DLGAP2: variants seen among roughly 807,000 people sequenced by gnomAD.
DLGAP2 encodes DLG associated protein 2.
DLGAP2 carries 26 observed loss-of-function variants against 100.3 expected under a neutral mutation model. The observed-to-expected ratio is 0.26, with a 90% CI of 0.19 to 0.36. DLGAP2 has a LOEUF of 0.36. DLGAP2 is among the 10% of genes least tolerant of loss of function. The pLI is 1.00. For missense variants in DLGAP2, 1,858 were observed against 1,453.2 expected, an observed-to-expected ratio of 1.28 and a Z score of -4.53; for synonymous variants, 886 against 630.1, an observed-to-expected ratio of 1.41 and a Z score of -6.08.
At chr8:749,809 G>T (rs1820745614) in intron 1 of DLGAP2, among the ~76,000 whole-genome samples, 2 of 152,214 alleles carry the variant, frequency 1.3e-5, no homozygotes, top group East Asian at 1.9e-4. Context: ...GAGGCTGGAA[G>T]CCTGGAGCCA....
chr8:1,451,622 C>T (rs893748680), intron 3 of DLGAP2, among the ~76,000 whole-genome samples: 8 of 152,122 alleles, frequency 5.3e-5, no homozygotes, highest in African/African-American at 1.2e-4. Flanking sequence ...GGCTTCCCTC[C>T]GCCTCTGTTG....
chr8:1,388,291 G>A (rs1446783640), intron 3 of DLGAP2, among the ~76,000 whole-genome samples: 4 of 112,264 alleles, frequency 3.6e-5, no homozygotes, highest in Non-Finnish European at 7.1e-5. Flanking sequence ...TGTCAGGGCT[G>A]TGAGAGGCAG....
At position 915,827 on chromosome 8, in the gene DLGAP2, C is replaced by T. The variant is rs548017170; in HGVS notation, c.73+7861C>T. On this transcript the variant is annotated intron_variant, in intron 2 of 14. Coordinates refer to ENST00000637795, the MANE Select transcript of DLGAP2 (RefSeq NM_001346810.2). ...AGTCCTCCTCATTGTAGACTCTCCC[C>T]ACTCTCTTTTTTGTGTCCGTCCATC... Among the ~76,000 whole-genome samples the T allele has an allele frequency of 7.4e-5, 11 of 148,800 alleles. No individual in the cohort carries two copies. The South Asian group carries it at 2.4e-3, about 32-fold the overall frequency.
rs1288526297 is a variant in DLGAP2 at position 1,519,902 on chromosome 8, A to C, written c.172+18471A>C. Among the ~76,000 whole-genome samples, 3 of 152,186 alleles carry C rather than the reference A, an allele frequency of 2.0e-5. No homozygotes were observed. The East Asian group carries it at 5.8e-4, about 29-fold the overall frequency. Reference sequence around the variant, plus strand: ...ATGGGTGGGGTGGGGATCCTAGACCAAAGGGGCGTGGCTGGGTTTGGGTCT... The same window carrying C: ...ATGGGTGGGGTGGGGATCCTAGACCCAAGGGGCGTGGCTGGGTTTGGGTCT... On this transcript the variant is annotated intron_variant, in intron 4 of 14. Coordinates refer to ENST00000637795, the MANE Select transcript of DLGAP2 (RefSeq NM_001346810.2).
At chr8:903,285 A>C (rs1798300232) in intron 1 of DLGAP2, among the ~76,000 whole-genome samples, 1 of 152,064 alleles carries the variant, frequency 6.6e-6, no homozygotes, top group African/African-American at 2.4e-5. Flanking sequence ...GTTTGGCTGT[A>C]GGATAAGCGA....
chr8:1,207,247 G>A (rs767852244), intron 2 of DLGAP2, among the ~76,000 whole-genome samples: 7 of 152,190 alleles, frequency 4.6e-5, no homozygotes, highest in Non-Finnish European at 8.8e-5. Flanking sequence ...ATCCTTCCCC[G>A]AGTCCCCAAA....
At chr8:989,821 C>G (rs1465403553) in intron 2 of DLGAP2, among the ~76,000 whole-genome samples, 1 of 152,104 alleles carries the variant, frequency 6.6e-6, no homozygotes, top group Non-Finnish European at 1.5e-5. Context: ...TAATGACTGG[C>G]TATGTGGCTT....
intron 2 of DLGAP2, among the ~76,000 whole-genome samples, chr8:943,224 A>G (rs573659253): frequency 6.0e-4 from 92 of 152,244 alleles, no homozygotes; most frequent in African/African-American, 2.1e-3. Flanking sequence ...CAGGATGGCC[A>G]CTTTTCCAGG....
intron 1 of DLGAP2, among the ~76,000 whole-genome samples, chr8:828,620 G>A (rs1042682138): frequency 2.0e-5 from 3 of 152,194 alleles, no homozygotes; most frequent in African/African-American, 7.2e-5. Flanking sequence ...GAGACGATAT[G>A]CATCCTTCTC....
chr8:919,414 G>T (rs183213122), intron 2 of DLGAP2, among the ~76,000 whole-genome samples: 1 of 152,202 alleles, frequency 6.6e-6, no homozygotes, highest in Admixed American at 6.5e-5. Flanking sequence ...GGCAGCGTGA[G>T]TGGGGAAGGG....
intron 1 of DLGAP2, among the ~76,000 whole-genome samples, chr8:875,390 G>A (rs562162589): frequency 2.6e-5 from 4 of 152,146 alleles, no homozygotes; most frequent in Non-Finnish European, 5.9e-5. Flanking sequence ...AGAGGGACCC[G>A]GTGAGAGGTA....
chr8:816,057 T>C (rs569637405), intron 1 of DLGAP2, among the ~76,000 whole-genome samples: 2 of 152,340 alleles, frequency 1.3e-5, no homozygotes, highest in African/African-American at 4.8e-5. Context: ...TCCATTTGCA[T>C]GGAGTATTTC....
At chr8:1,620,711 C>T (rs758033218) in intron 6 of DLGAP2, among the ~76,000 whole-genome samples, 5 of 152,116 alleles carry the variant, frequency 3.3e-5, no homozygotes, top group African/African-American at 4.8e-5. Flanking sequence ...CTCAAGTCTG[C>T]AGGAGCCTCT....
In DLGAP2 at chr8:1,240,906, CTCTCACA is replaced by C. The variant is rs1455622468; in HGVS notation, c.74-17943_74-17937del. ...CTCACACAGAGTATCGTGTCTAGTT[CTCTCACA>C]TGGCACTGTGTCTAGTTCTCTCACA... On this transcript the variant is annotated intron_variant, in intron 2 of 14. Coordinates refer to ENST00000637795, the MANE Select transcript of DLGAP2 (RefSeq NM_001346810.2). Among the ~76,000 whole-genome samples the C allele has an allele frequency of 1.9e-3, 15 of 7,786 alleles. 1 individual carries two copies. The highest frequency in any genetic ancestry group is 4.1e-3 in the African/African-American group (5 of 1,218). 5.1% of individuals were successfully genotyped at this position (7,786 alleles called of 152,430 possible). A position where few individuals can be genotyped will look rare whatever the true frequency, so the allele number is the denominator to read the frequency against.
At chr8:1,547,393 C>T (rs1422738979) in intron 4 of DLGAP2, among the ~76,000 whole-genome samples, 3 of 151,904 alleles carry the variant, frequency 2.0e-5, no homozygotes, top group African/African-American at 4.8e-5. Context: ...GTCAGCCCCA[C>T]AGCTGTGTCT....
At chr8:1,322,975 C>T (rs1563082622) in intron 3 of DLGAP2, among the ~76,000 whole-genome samples, 1 of 152,070 alleles carries the variant, frequency 6.6e-6, no homozygotes, top group Non-Finnish European at 1.5e-5. Context: ...TCACCTTTGT[C>T]CCCTCCATGC....
chr8:1,407,808 T>C (rs1171387097), intron 3 of DLGAP2, among the ~76,000 whole-genome samples: 1 of 148,926 alleles, frequency 6.7e-6, no homozygotes, highest in Non-Finnish European at 1.5e-5. Context: ...GGGTCGTGTA[T>C]TGAGTGCTTA....
At chr8:1,492,562 C>G (rs997382194) in intron 3 of DLGAP2, among the ~76,000 whole-genome samples, 3 of 152,230 alleles carry the variant, frequency 2.0e-5, no homozygotes, top group Admixed American at 6.5e-5. Context: ...CTTCGCTCCG[C>G]AAACATTGTC....
intron 2 of DLGAP2, among the ~76,000 whole-genome samples, chr8:1,195,508 C>A (rs1459485111): frequency 1.3e-5 from 2 of 152,218 alleles, no homozygotes; most frequent in Non-Finnish European, 2.9e-5. Flanking sequence ...ATTGTTTCCC[C>A]ACTTGGAAAA....
Sources: gnomAD v4.1 joint callset for allele counts (sites outside exome capture counted in the v4.1 genomes callset) on GRCh38, gnomAD v4.1.1 for gene constraint, MANE v1.5 for transcripts, NCBI Gene and HGNC (gene_info 2026-07-23, HGNC 2026-07-21) for gene names.